MAP3K19: variants seen among roughly 807,000 people sequenced by gnomAD.
MAP3K19 encodes SPS1/STE20-related protein kinase YSK4.
A neutral mutation model predicts 114.4 loss-of-function variants in MAP3K19; 91 were observed. The observed-to-expected ratio is 0.80, with a 90% CI of 0.67 to 0.95. The LOEUF (loss-of-function observed/expected upper bound fraction) is 0.95, where lower values mean the gene tolerates loss of function less well. Ranked by LOEUF, MAP3K19 falls within the 40% of genes least tolerant of loss-of-function variation. The pLI, the probability that MAP3K19 is intolerant of heterozygous loss-of-function variation, is 0.00. For missense variants in MAP3K19, 1,471 were observed against 1,573.2 expected (o/e 0.94, Z 1.10); for synonymous variants, 518 against 530.5 (o/e 0.98, Z 0.32).
At chr2:135,033,462 C>T (rs1243304314) in intron 2 of MAP3K19, among the ~76,000 whole-genome samples, 5 of 104,812 alleles carry the variant, frequency 4.8e-5, no homozygotes, top group Non-Finnish European at 3.6e-5. Flanking sequence ...GAGGCGCCCC[C>T]CACCCCCCGG....
intron 2 of MAP3K19, among the ~76,000 whole-genome samples, chr2:135,034,809 C>T (rs1688489546): frequency 1.5e-5 from 1 of 67,732 alleles, no homozygotes; most frequent in Non-Finnish European, 2.8e-5. Context: ...GAGGGGGAGA[C>T]CGTGGGCTGT....
intron 12 of MAP3K19, among the ~76,000 whole-genome samples, chr2:134,977,897 T>C (rs1318026946): frequency 6.6e-6 from 1 of 152,188 alleles, no homozygotes; most frequent in Non-Finnish European, 1.5e-5. Flanking sequence ...TCTATAGAAA[T>C]TGCCCTCTTG....
chr2:134,977,437 A>T (rs979861360), intron 12 of MAP3K19, among the ~76,000 whole-genome samples: 16 of 132,520 alleles, frequency 1.2e-4, no homozygotes, highest in Admixed American at 2.0e-4. Flanking sequence ...ATCTCGGCTC[A>T]CTGCAAGCTC....
intron 3 of MAP3K19, among the ~76,000 whole-genome samples, chr2:135,029,578 G>C (rs16831264): frequency 0.31 from 47,695 of 152,008 alleles, 11,363 homozygotes; most frequent in African/African-American, 0.65. Context: ...CTGTACCTGA[G>C]TGGAATATCT....
intron 11 of MAP3K19, chr2:134,983,147 A>T: frequency 1.9e-6 from 1 of 523,340 alleles, no homozygotes; most frequent in Non-Finnish European, 3.9e-6. Flanking sequence ...ACTAGAACTT[A>T]TTTCTTCTAT....
chr2:134,968,482 CG>C (rs1302060971), intron 12 of MAP3K19, among the ~76,000 whole-genome samples: 1 of 141,162 alleles, frequency 7.1e-6, no homozygotes, highest in African/African-American at 2.8e-5. Flanking sequence ...GCTGGCCGGG[CG>C]GGGGGCTGAC....
intron 6 of MAP3K19, among the ~76,000 whole-genome samples, chr2:135,003,188 G>C (rs976757966): frequency 1.3e-5 from 2 of 152,122 alleles, no homozygotes; most frequent in Non-Finnish European, 2.9e-5. Context: ...TCTTGATCTT[G>C]GACTTCCCAT....
At chr2:135,000,720 T>C (rs1306364420) in intron 6 of MAP3K19, among the ~76,000 whole-genome samples, 1 of 152,202 alleles carries the variant, frequency 6.6e-6, no homozygotes, top group East Asian at 1.9e-4. Context: ...AGCACTGTGA[T>C]AGAAGCAAGT....
chr2:134,979,237 T>C (rs545256978), intron 12 of MAP3K19, among the ~76,000 whole-genome samples: 3 of 152,238 alleles, frequency 2.0e-5, no homozygotes, highest in African/African-American at 7.2e-5. Flanking sequence ...TATGTTAATA[T>C]TCTTCCTAAT....
chr2:134,996,784 C>T (rs984013585), intron 8 of MAP3K19, among the ~76,000 whole-genome samples: 12 of 152,126 alleles, frequency 7.9e-5, no homozygotes, highest in African/African-American at 2.9e-4. Context: ...CCTGTAATTC[C>T]AGCACTTTGG....
chr2:134,986,380 G>C lies in MAP3K19; in HGVS notation c.2492C>G (p.Thr831Ser). 6.2e-7 allele frequency: 1 copy of C among 1,613,894 alleles called. No homozygotes were observed. The highest frequency in any genetic ancestry group is 1.1e-5 in the South Asian group (1 of 91,052). The change falls in exon 10 of 13, where the codon ACC (threonine) becomes AGC (serine). Residue 831 changes from threonine to serine, a missense_variant. Thr to Ser is a moderately conservative substitution (Grantham distance 58, BLOSUM62 1). Coordinates refer to ENST00000392915, the MANE Select transcript of MAP3K19 (RefSeq NM_025052.5). Reference protein sequence around the residue: ...DRDISNNQILTTSLRDLQELE... With the variant: ...DRDISNNQILSTSLRDLQELE... ...TTCTTGCAGATCTCTGAGGCTTGTG[G>C]TGAGTATTTGATTGTTAGAAATGTC...
intron 2 of MAP3K19, among the ~76,000 whole-genome samples, chr2:135,037,377 A>G (rs536874474): frequency 5.9e-5 from 9 of 152,342 alleles, no homozygotes; most frequent in African/African-American, 2.2e-4. Context: ...TGAGGTGAGT[A>G]CTGTAGACTG....
chr2:134,968,455 A>C, intron 12 of MAP3K19, among the ~76,000 whole-genome samples: 1 of 145,620 alleles, frequency 6.9e-6, no homozygotes, highest in East Asian at 2.1e-4. Context: ...GGCGCCCCTC[A>C]CCTCCCGGAT....
At chr2:135,013,708 T>C (rs1687394617) in intron 5 of MAP3K19, among the ~76,000 whole-genome samples, 1 of 152,122 alleles carries the variant, frequency 6.6e-6, no homozygotes, top group Non-Finnish European at 1.5e-5. Flanking sequence ...CTTGGTGAAA[T>C]TTATCAGACA....
In MAP3K19 at chr2:135,021,847, A is replaced by T. The variant is rs1433953227; in HGVS notation, c.23-17T>A. On this transcript the variant is annotated splice_polypyrimidine_tract_variant and intron_variant, in intron 4 of 12. Transcript: ENST00000392915. ...CATGTCTTTCTATCAAAAGAAACAT[A>T]ATAGTATGTTTTGATAAGATTCATC... 5.4e-6 allele frequency: 8 copies of T among 1,475,068 alleles called. No individual in the cohort carries two copies. Among genetic ancestry groups the T allele is most frequent in the Non-Finnish European group, 7.5e-6 (8 of 1,065,022 alleles). The allele number at this position is 1,475,068 out of a possible 1,614,324, so 91.4% of individuals were successfully genotyped here. A position where few individuals can be genotyped will look rare whatever the true frequency, so the allele number is the denominator to read the frequency against.
rs1684653348 is a variant in MAP3K19, at chr2:134,981,448, T to A, written c.3293A>T (p.Lys1098Ile). 2 of 1,614,180 alleles carry A rather than the reference T, an allele frequency of 1.2e-6. No homozygotes were observed. Among genetic ancestry groups the A allele is most frequent in the Non-Finnish European group, 8.5e-7 (1 of 1,180,038 alleles). ...VKQVALDTSN[K>I]LAAEKEYRKL... Reference sequence around the variant, plus strand: ...CCGGTATTCCTTTTCAGCAGCTAATTTATTAGAGGTATCCAAAGCCACCTG... The same window carrying A: ...CCGGTATTCCTTTTCAGCAGCTAATATATTAGAGGTATCCAAAGCCACCTG... The change falls in exon 12 of 13, where the codon AAA becomes ATA. Residue 1098 changes from lysine (K) to isoleucine (I), a missense_variant. Transcript: ENST00000392915.
At chr2:134,972,425 G>A (rs1010028925) in intron 12 of MAP3K19, among the ~76,000 whole-genome samples, 1 of 151,388 alleles carries the variant, frequency 6.6e-6, no homozygotes, top group African/African-American at 2.4e-5. Flanking sequence ...TACTAATTTG[G>A]GGTTTGGTTT....
At chr2:135,021,615 T>A (rs992322064) in intron 5 of MAP3K19, 100 bp downstream of exon 5, 17 of 632,830 alleles carry the variant, frequency 2.7e-5, no homozygotes, top group Non-Finnish European at 4.6e-5. Flanking sequence ...CACTTAAAAA[T>A]AAAATTGTAA....
chr2:135,014,997 G>T (rs149888643), intron 5 of MAP3K19, among the ~76,000 whole-genome samples: 17 of 152,276 alleles, frequency 1.1e-4, no homozygotes, highest in African/African-American at 3.9e-4. Context: ...TAATAGTGCT[G>T]CTATGATCAT....
Sources: gnomAD v4.1 joint callset for allele counts (sites outside exome capture counted in the v4.1 genomes callset) on GRCh38, gnomAD v4.1.1 for gene constraint, MANE v1.5 for transcripts, NCBI Gene and HGNC (gene_info 2026-07-23, HGNC 2026-07-21) for gene names.